EYS: variants seen among roughly 807,000 people sequenced by gnomAD.
EYS encodes the protein EGF-like photoreceptor maintenance factor, also known as protein eyes shut homolog.
Under a neutral mutation model 282.1 loss-of-function variants are expected in EYS, and 250 were observed. The observed-to-expected ratio is 0.89, with a 90% CI of 0.80 to 0.98. EYS has a LOEUF of 0.98. Among genes scored for constraint, EYS ranks in the 50% least tolerant of loss-of-function variants. The pLI is 0.00. For missense variants in EYS, 4,016 were observed against 3,709.0 expected (o/e 1.08, Z -2.15); for synonymous variants, 1,355 against 1,282.9 (o/e 1.06, Z -1.20).
intron 22 of EYS, among the ~76,000 whole-genome samples, chr6:64,740,243 C>G (rs1360735634): frequency 2.0e-5 from 3 of 152,034 alleles, no homozygotes; most frequent in Non-Finnish European, 4.4e-5. Flanking sequence ...TTTCCTAAAT[C>G]TTGAAATACT....
Position 63,720,812 on chromosome 6 carries a change from AT to A in EYS, c.9218del (p.His3073LeufsTer7). The part of the protein sequence containing the change: ...SLILSEDIDP[H>X]KNFVALNYDG... ...CATAGTTTAGAGCCACAAAGTTTTT[AT>A]GTGGATCAATATCCTCGGAAAGAAT... On this transcript the variant is annotated frameshift_variant, in exon 43 of 43. Transcript: ENST00000503581. LOFTEE classifies it high-confidence loss of function. The A allele has an allele frequency of 1.3e-6, 2 of 1,551,078 alleles. No homozygotes were observed. Among genetic ancestry groups the A allele is most frequent in the Non-Finnish European group, 1.7e-6 (2 of 1,146,536 alleles).
chr6:65,486,475 T>C (rs546878690), intron 5 of EYS, among the ~76,000 whole-genome samples: 1 of 152,290 alleles, frequency 6.6e-6, no homozygotes, highest in East Asian at 1.9e-4. Context: ...CTAAAAAAAT[T>C]TAAGTACCAA....
intron 8 of EYS, among the ~76,000 whole-genome samples, chr6:65,367,130 C>T (rs552506923): frequency 2.6e-5 from 4 of 151,642 alleles, no homozygotes; most frequent in African/African-American, 9.6e-5. Context: ...ATTATTCAGC[C>T]CAGCATACTC....
intron 22 of EYS, among the ~76,000 whole-genome samples, chr6:64,776,701 T>C (rs185846922): frequency 1.3e-3 from 192 of 152,242 alleles, no homozygotes; most frequent in Non-Finnish European, 3.5e-4. Flanking sequence ...AATGTAATTA[T>C]ATTAGTAATA....
chr6:65,128,813 A>C (rs1027575570), intron 12 of EYS, among the ~76,000 whole-genome samples: 4 of 152,036 alleles, frequency 2.6e-5, no homozygotes, highest in African/African-American at 7.2e-5. Flanking sequence ...AGAAGAAACT[A>C]TTCTGAAATT....
At chr6:65,020,019 T>C (rs1772199186) in intron 13 of EYS, among the ~76,000 whole-genome samples, 1 of 152,042 alleles carries the variant, frequency 6.6e-6, no homozygotes, top group Non-Finnish European at 1.5e-5. Flanking sequence ...CATGATTCAA[T>C]TACCTCACAC....
intron 29 of EYS, among the ~76,000 whole-genome samples, chr6:64,364,976 G>GT (rs1055919671): frequency 1.8e-4 from 28 of 151,526 alleles, no homozygotes; most frequent in African/African-American, 2.7e-4. Flanking sequence ...ATAAGTTTTT[G>GT]TTTTTTTTAC....
At chr6:63,904,815 A>G (rs920141003) in intron 35 of EYS, among the ~76,000 whole-genome samples, 1 of 152,334 alleles carries the variant, frequency 6.6e-6, no homozygotes, top group East Asian at 1.9e-4. Context: ...TCAGGGACTG[A>G]CAAGATCTAG....
chr6:65,046,207 C>T (rs1380647040), intron 13 of EYS, among the ~76,000 whole-genome samples: 1 of 151,838 alleles, frequency 6.6e-6, no homozygotes, highest in East Asian at 2.0e-4. Context: ...AGAGAAAAAT[C>T]ACACAAGTTT....
At chr6:63,800,190 G>A (rs1770750192) in intron 37 of EYS, among the ~76,000 whole-genome samples, 1 of 152,122 alleles carries the variant, frequency 6.6e-6, no homozygotes, top group South Asian at 2.1e-4. Context: ...TGCATTCAGT[G>A]CTATTTATAT....
intron 23 of EYS, among the ~76,000 whole-genome samples, chr6:64,618,277 A>AT (rs907168479): frequency 1.1e-4 from 16 of 152,106 alleles, no homozygotes; most frequent in African/African-American, 3.6e-4. Context: ...TATTAGGAAC[A>AT]TTTTTTTGAA....
chr6:64,218,652 C>T lies in EYS; in HGVS notation c.6424+11940G>A, dbSNP rs145315407. 8.6e-3 allele frequency among the ~76,000 whole-genome samples: 1,310 copies of T among 152,276 alleles called. 26 individuals carry two copies. The highest frequency in any genetic ancestry group is 0.029 in the African/African-American group (1,200 of 41,544). ...TACTGAATAAAATCTGTTTTCACTG[C>T]TTTAAGTAATGTCTAGCCTTGTTTG... On this transcript the variant is annotated intron_variant, in intron 31 of 42. Coordinates refer to ENST00000503581, the MANE Select transcript of EYS (RefSeq NM_001142800.2).
At chr6:64,005,897 T>A (rs1440284957) in intron 33 of EYS, among the ~76,000 whole-genome samples, 1 of 152,176 alleles carries the variant, frequency 6.6e-6, no homozygotes, top group African/African-American at 2.4e-5. Context: ...TGAAGTTGGG[T>A]AACATAAAAC....
intron 5 of EYS, among the ~76,000 whole-genome samples, chr6:65,430,598 C>T (rs1306106769): frequency 6.6e-6 from 1 of 152,162 alleles, no homozygotes; most frequent in East Asian, 1.9e-4. Context: ...CATTACCCCT[C>T]CCCTAGACCC....
chr6:64,948,431 A>G (rs1327648693), intron 14 of EYS, among the ~76,000 whole-genome samples: 1 of 147,870 alleles, frequency 6.8e-6, no homozygotes, highest in Non-Finnish European at 1.5e-5. Context: ...GAATAGTATT[A>G]AATAATATTA....
At position 65,160,591 on chromosome 6, in the gene EYS, C is replaced by T. The variant is rs192852642; in HGVS notation, c.2024-102864G>A. Among the ~76,000 whole-genome samples the T allele has an allele frequency of 1.1e-3, 167 of 150,946 alleles. 1 individual carries two copies. The highest frequency in any genetic ancestry group is 3.9e-3 in the African/African-American group (160 of 41,384). ...GCCCTAATTCTTGGCCATTTCTTCT[C>T]CACACTTTTTGTAGATGTCTCTGAT... is the stretch of plus-strand genomic sequence containing the variant. On this transcript the variant is annotated intron_variant, in intron 12 of 42. Coordinates refer to ENST00000503581, the MANE Select transcript of EYS (RefSeq NM_001142800.2).
At position 64,912,730 on chromosome 6, in the gene EYS, A is replaced by C; in HGVS notation, c.2395T>G (p.Ser799Ala). ...CTACAGTTCTGTCCAGTCCATCCAG[A>C]TGTACACTCACATCTGAAATAAAAT... ...LYKSYRCECT[S>A]GWTGQNCSEE... The change falls in exon 16 of 43, where the codon TCT becomes GCT. Residue 799 changes from serine (S) to alanine (A), a missense_variant. Transcript: ENST00000503581. 2.9e-6 allele frequency: 4 copies of C among 1,379,758 alleles called. No individual in the cohort carries two copies. Among genetic ancestry groups the C allele is most frequent in the Non-Finnish European group, 2.8e-6 (3 of 1,057,942 alleles). 85.5% of individuals were successfully genotyped at this position (1,379,758 alleles called of 1,614,324 possible).
At chr6:65,704,495 A>G (rs567285125) in intron 1 of EYS, among the ~76,000 whole-genome samples, 35 of 152,316 alleles carry the variant, frequency 2.3e-4, no homozygotes, top group African/African-American at 8.4e-4. Flanking sequence ...GTTTACATTT[A>G]CTTGTTCAAA....
chr6:64,786,188 A>ATTTTTTTT, intron 22 of EYS, among the ~76,000 whole-genome samples: 1 of 141,556 alleles, frequency 7.1e-6, no homozygotes, highest in Non-Finnish European at 1.5e-5. Context: ...CTGGTTCTAC[A>ATTTTTTTT]TTTTTTTTTT....
Sources: gnomAD v4.1 joint callset for allele counts (sites outside exome capture counted in the v4.1 genomes callset) on GRCh38, gnomAD v4.1.1 for gene constraint, MANE v1.5 for transcripts, NCBI Gene and HGNC (gene_info 2026-07-23, HGNC 2026-07-21) for gene names.